VWA8: variants seen among roughly 807,000 people sequenced by gnomAD.
The protein encoded by VWA8 is von Willebrand factor A domain-containing protein 8.
Under a neutral mutation model 241.5 loss-of-function variants are expected in VWA8, and 221 were observed. The observed-to-expected ratio is 0.91, with a 90% confidence interval of 0.82 to 1.02. VWA8 has a LOEUF of 1.02. VWA8 is among the 50% of genes least tolerant of loss of function. The probability of loss-of-function intolerance (pLI) is 0.00; values close to 1 mark genes in which losing one functional copy is unlikely to be tolerated. For synonymous variants in VWA8, 852 were observed against 827.1 expected (o/e 1.03, Z -0.52); for missense variants, 2,322 against 2,328.7 (o/e 1.00, Z 0.06).
At chr13:41,605,322 A>T in intron 39 of VWA8, 46 bp from the exon 40 acceptor site, 1 of 1,589,882 alleles carries the variant, frequency 6.3e-7, no homozygotes, top group Non-Finnish European at 8.6e-7. Flanking sequence ...AATCACGTAT[A>T]TGTGGGTTTT....
At chr13:41,955,875 TCAAGTAAGGCAAACACTGAGTTATAGC>T (rs1878330384) in intron 1 of VWA8, 1 of 152,162 alleles carries the variant, frequency 6.6e-6, no homozygotes, top group South Asian at 2.1e-4. Flanking sequence ...GAGACCGTGT[TCAAGTAAGGCAAACACTGAGTTATAGC>T]CAAGTAAGCT....
chr13:41,701,529 C>T lies in VWA8; in HGVS notation c.3227G>A (p.Gly1076Asp), dbSNP rs890317415. 4.3e-5 allele frequency: 67 copies of T among 1,559,360 alleles called. No homozygotes were observed. Among genetic ancestry groups the T allele is most frequent in the Non-Finnish European group, 5.4e-5 (63 of 1,159,046 alleles). The change falls in exon 28 of 45, where the codon GGT becomes GAT. Residue 1076 changes from glycine (G) to aspartate (D), a missense_variant and splice_region_variant. Physicochemically the swap from Gly to Asp is moderately conservative, Grantham distance 94. Coordinates refer to ENST00000379310, the MANE Select transcript of VWA8 (RefSeq NM_015058.2). ...CTCCTGTATATTTATAAGTGCTGGA[C>T]CCTATAATAAAGCAGTTATCTCAGT... ...PVETHHIDIK[G>D]PALINIQEYP...
chr13:41,827,470 C>T (rs1344135587), intron 14 of VWA8, among the ~76,000 whole-genome samples: 2 of 152,080 alleles, frequency 1.3e-5, no homozygotes, highest in East Asian at 3.8e-4. Context: ...AAGTAGTAGC[C>T]TCTGGGGAGT....
At chr13:41,689,665 C>T (rs776357908) in intron 33 of VWA8, among the ~76,000 whole-genome samples, 157 bp from the exon 34 acceptor site, 10 of 152,020 alleles carry the variant, frequency 6.6e-5, no homozygotes, top group Non-Finnish European at 1.5e-4. Flanking sequence ...TGAAAAAATG[C>T]TGTTTTTATA....
At chr13:41,636,579 G>A (rs190230350) in intron 37 of VWA8, among the ~76,000 whole-genome samples, 1 of 152,240 alleles carries the variant, frequency 6.6e-6, no homozygotes, top group East Asian at 1.9e-4. Context: ...TGACATATGG[G>A]ATCTAACTAA....
chr13:41,580,396 T>C (rs2044375191), intron 42 of VWA8, among the ~76,000 whole-genome samples: 1 of 152,212 alleles, frequency 6.6e-6, no homozygotes, highest in African/African-American at 2.4e-5. Context: ...TCTAAACCTG[T>C]GAAACATTCT....
At chr13:41,747,474 T>C (rs7317983) in intron 21 of VWA8, among the ~76,000 whole-genome samples, 34,039 of 152,090 alleles carry the variant, frequency 0.22, 3,796 homozygotes, top group Middle Eastern at 0.25. Flanking sequence ...GCTGAAGTTG[T>C]CCATCAGCTT....
chr13:41,705,888 C>T (rs1593709068), intron 26 of VWA8, among the ~76,000 whole-genome samples: 1 of 152,098 alleles, frequency 6.6e-6, no homozygotes, highest in Admixed American at 6.5e-5. Flanking sequence ...ACCAACAGAA[C>T]AGATCCCCTG....
intron 2 of VWA8, among the ~76,000 whole-genome samples, chr13:41,947,750 T>G (rs756122496): frequency 6.6e-6 from 1 of 150,822 alleles, no homozygotes; most frequent in Non-Finnish European, 1.5e-5. Flanking sequence ...GCCTGATCAA[T>G]GTGGTGAAAC....
At chr13:41,638,546 A>G (rs1057154222) in intron 37 of VWA8, among the ~76,000 whole-genome samples, 1 of 152,176 alleles carries the variant, frequency 6.6e-6, no homozygotes, top group African/African-American at 2.4e-5. Context: ...CTGGGTTTCA[A>G]TGAAGAGGGA....
chr13:41,721,699 A>C, intron 24 of VWA8, 124 bp from the exon 25 acceptor site: 1 of 968,596 alleles, frequency 1.0e-6, no homozygotes, highest in Non-Finnish European at 1.5e-6. Context: ...CCCATCCAAC[A>C]ATAGGATGGT....
chr13:41,771,886 CT>C (rs10639837), intron 20 of VWA8, among the ~76,000 whole-genome samples: 2,336 of 100,230 alleles, frequency 0.023, 19 homozygotes, highest in South Asian at 0.043. Context: ...CCAGCAGGGA[CT>C]TTTTTTTTTT....
rs556625455 is a variant in VWA8 at position 41,947,656 on chromosome 13, C to T, written c.241+2280G>A. On this transcript the variant is annotated intron_variant, in intron 2 of 44. Transcript: ENST00000379310. ...GTGATTTGAAAACCATATTGGTGGT[C>T]GGGCGCAGTGGCTCATGCCAGTAAA... Among the ~76,000 whole-genome samples, 71 of 152,162 alleles carry T rather than the reference C, an allele frequency of 4.7e-4. 1 individual carries two copies. The South Asian group carries it at 0.012, about 27-fold the overall frequency.
intron 20 of VWA8, among the ~76,000 whole-genome samples, chr13:41,766,469 C>T (rs1467802534): frequency 6.6e-6 from 1 of 152,170 alleles, no homozygotes; most frequent in East Asian, 1.9e-4. Context: ...GGGATCCCTG[C>T]AACAGCAGAT....
chr13:41,898,712 G>T, intron 4 of VWA8, among the ~76,000 whole-genome samples: 1 of 152,308 alleles, frequency 6.6e-6, no homozygotes, highest in South Asian at 2.1e-4. Context: ...CTGCAGTCCC[G>T]AGGCCTGCCC....
chr13:41,627,444 C>CA, intron 37 of VWA8, among the ~76,000 whole-genome samples: 1 of 152,280 alleles, frequency 6.6e-6, no homozygotes, highest in East Asian at 1.9e-4. Context: ...GAGGAAGAGT[C>CA]AAGCAGGTTC....
At chr13:41,932,316 TTAA>T (rs1187251377) in intron 2 of VWA8, among the ~76,000 whole-genome samples, 3 of 152,080 alleles carry the variant, frequency 2.0e-5, no homozygotes, top group Non-Finnish European at 4.4e-5. Flanking sequence ...GAATTTACAG[TTAA>T]TAACCTCCCG....
intron 5 of VWA8, among the ~76,000 whole-genome samples, chr13:41,889,927 G>A (rs1280150059): frequency 1.3e-5 from 2 of 152,090 alleles, no homozygotes; most frequent in Non-Finnish European, 2.9e-5. Flanking sequence ...AAGAGAAAAC[G>A]TTCTGCATAA....
In VWA8 at chr13:41,780,782, G is replaced by T. The variant is rs1330571268; in HGVS notation, c.2278-2726C>A. Among the ~76,000 whole-genome samples the T allele has an allele frequency of 2.6e-4, 39 of 152,056 alleles. 1 individual carries two copies. Among genetic ancestry groups the T allele is most frequent in the Admixed American group, 2.5e-3 (38 of 15,262 alleles). On this transcript the variant is annotated intron_variant, in intron 19 of 44. Coordinates refer to ENST00000379310, the MANE Select transcript of VWA8 (RefSeq NM_015058.2). The stretch of plus-strand genomic sequence containing the variant: ...AACAAAGGTCATTGCTTACATTCTT[G>T]ATCTAGTCTCAGCCTCATCTCCTAC...
Sources: allele counts gnomAD v4.1 joint callset (sites outside exome capture counted in the v4.1 genomes callset), GRCh38; gene constraint gnomAD v4.1.1; transcripts MANE v1.5; gene names NCBI Gene and HGNC (gene_info 2026-07-23, HGNC 2026-07-21).